The following LHFPL3 variants were observed in gnomAD, a reference collection of about 807,000 sequenced individuals.
The protein encoded by LHFPL3 is LHFPL tetraspan subfamily member 3 protein.
LHFPL3 carries 5 observed loss-of-function variants against 19.3 expected under a neutral mutation model. That is an observed-to-expected ratio of 0.26 (90% CI 0.14 to 0.54). The LOEUF (loss-of-function observed/expected upper bound fraction) is 0.54. LHFPL3 is among the 20% of genes least tolerant of loss of function. LHFPL3 has a pLI of 0.94. For synonymous variants in LHFPL3, 133 were observed against 126.2 expected (o/e 1.05, Z -0.36); for missense variants, 249 against 307.4 (o/e 0.81, Z 1.42).
chr7:104,573,421 A>G (rs11766963), intron 1 of LHFPL3, among the ~76,000 whole-genome samples: 9,988 of 151,902 alleles, frequency 0.066, 516 homozygotes, highest in African/African-American at 0.15. Context: ...AAAAAAAAAA[A>G]AAAGAAAGTA....
intron 1 of LHFPL3, among the ~76,000 whole-genome samples, chr7:104,331,052 G>A (rs1351991079): frequency 2.0e-5 from 3 of 152,182 alleles, no homozygotes; most frequent in Admixed American, 6.5e-5. Flanking sequence ...TGATTTTTAT[G>A]AGGTTTCCTA....
intron 1 of LHFPL3, among the ~76,000 whole-genome samples, chr7:104,703,786 C>A (rs900320383): frequency 6.6e-6 from 1 of 152,054 alleles, no homozygotes; most frequent in Non-Finnish European, 1.5e-5. Flanking sequence ...TAACATACTT[C>A]ATTTTTTTCT....
chr7:104,391,684 A>G (rs1280585331), intron 1 of LHFPL3, among the ~76,000 whole-genome samples: 2 of 152,160 alleles, frequency 1.3e-5, no homozygotes, highest in East Asian at 1.9e-4. Context: ...TTTTGGTTCT[A>G]TATGAACTTT....
At chr7:104,833,064 A>T (rs10435348) in intron 2 of LHFPL3, among the ~76,000 whole-genome samples, 2 of 95,682 alleles carry the variant, frequency 2.1e-5, no homozygotes, top group Non-Finnish European at 3.7e-5. Flanking sequence ...ATTATATATA[A>T]TATATATATT....
chr7:104,466,312 T>C (rs1172187283), intron 1 of LHFPL3, among the ~76,000 whole-genome samples: 1 of 152,252 alleles, frequency 6.6e-6, no homozygotes, highest in Non-Finnish European at 1.5e-5. Flanking sequence ...ACCTCTTATA[T>C]GCTACGGATA....
At chr7:104,668,121 C>T (rs1792395230) in intron 1 of LHFPL3, 3 of 1,613,824 alleles carry the variant, frequency 1.9e-6, no homozygotes, top group Admixed American at 1.7e-5. Context: ...CAGTGCAGTG[C>T]GTTTACCACG....
At chr7:104,539,243 T>C (rs1794442500) in intron 1 of LHFPL3, among the ~76,000 whole-genome samples, 1 of 152,178 alleles carries the variant, frequency 6.6e-6, no homozygotes, top group South Asian at 2.1e-4. Flanking sequence ...ATGAAGTGGG[T>C]ATTCCACGTG....
intron 1 of LHFPL3, among the ~76,000 whole-genome samples, chr7:104,469,752 G>C (rs1792869272): frequency 6.6e-6 from 1 of 152,040 alleles, no homozygotes; most frequent in African/African-American, 2.4e-5. Context: ...AGGAGTCCAG[G>C]AAAAATGGTT....
intron 1 of LHFPL3, among the ~76,000 whole-genome samples, chr7:104,505,485 T>G (rs1289410565): frequency 6.6e-6 from 1 of 152,172 alleles, no homozygotes; most frequent in Admixed American, 6.5e-5. Context: ...TGAAGACTGG[T>G]GAGCTGTCAG....
At chr7:104,361,162 A>G (rs907773748) in intron 1 of LHFPL3, among the ~76,000 whole-genome samples, 2 of 152,206 alleles carry the variant, frequency 1.3e-5, no homozygotes, top group Admixed American at 1.3e-4. Flanking sequence ...ATGGCCCACT[A>G]AGCCTAAAAT....
At chr7:104,777,800 A>AT (rs1318893812) in intron 2 of LHFPL3, among the ~76,000 whole-genome samples, 1 of 151,588 alleles carries the variant, frequency 6.6e-6, no homozygotes, top group Non-Finnish European at 1.5e-5. Flanking sequence ...TCACCTGAAG[A>AT]TAAGAGTTTG....
rs1790558009 is a variant in LHFPL3, at chr7:104,816,165, C to T, written c.682+79254C>T. ...CTGCGCCCTGTGAAAAAAATGCTGT[C>T]GTTGTTGTTGTTTTACAGCAACAGC... On this transcript the variant is annotated intron_variant, in intron 2 of 2. Coordinates refer to ENST00000424859, the MANE Select transcript of LHFPL3 (RefSeq NM_199000.3). Among the ~76,000 whole-genome samples the T allele has an allele frequency of 3.3e-5, 5 of 152,152 alleles. 1 individual carries two copies. The South Asian group carries it at 6.2e-4, about 19-fold the overall frequency.
At chr7:104,745,027 T>A (rs551884221) in intron 2 of LHFPL3, among the ~76,000 whole-genome samples, 1 of 152,324 alleles carries the variant, frequency 6.6e-6, no homozygotes, top group Admixed American at 6.5e-5. Flanking sequence ...ACCCAACAGC[T>A]TACCCGATAC....
chr7:104,436,418 A>G (rs761714499), intron 1 of LHFPL3, among the ~76,000 whole-genome samples: 3 of 152,226 alleles, frequency 2.0e-5, no homozygotes, highest in Non-Finnish European at 2.9e-5. Flanking sequence ...AGAGTTAATC[A>G]TGGCAGAACC....
At chr7:104,507,672 A>G (rs1218223298) in intron 1 of LHFPL3, among the ~76,000 whole-genome samples, 1 of 121,112 alleles carries the variant, frequency 8.3e-6, no homozygotes, top group African/African-American at 3.0e-5. Flanking sequence ...TGAACAGGCA[A>G]CCTACAAAAT....
chr7:104,438,551 T>C (rs1792156148), intron 1 of LHFPL3, among the ~76,000 whole-genome samples: 1 of 152,176 alleles, frequency 6.6e-6, no homozygotes, highest in South Asian at 2.1e-4. Context: ...ATAATGAAAA[T>C]ACAACATATC....
chr7:104,761,806 T>C (rs1413780110), intron 2 of LHFPL3, among the ~76,000 whole-genome samples: 1 of 152,164 alleles, frequency 6.6e-6, no homozygotes, highest in African/African-American at 2.4e-5. Flanking sequence ...AACCCATCCT[T>C]GGGATGAAAA....
chr7:104,903,497 C>T (rs1431087906), intron 2 of LHFPL3, among the ~76,000 whole-genome samples: 2 of 144,098 alleles, frequency 1.4e-5, no homozygotes, highest in African/African-American at 5.2e-5. Context: ...CAGCGTCTTG[C>T]TCTGTCACCC....
Position 104,638,932 on chromosome 7 carries a change from A to ATT in LHFPL3, c.446-97732_446-97731dup, listed in dbSNP as rs374523317. The stretch of plus-strand genomic sequence containing the variant: ...ACTGACACGCCTCACCACACCCAGC[A>ATT]TTTTTTTTTTTTGGTAGAAACAGGG... On this transcript the variant is annotated intron_variant, in intron 1 of 2. Coordinates refer to ENST00000424859, the MANE Select transcript of LHFPL3 (RefSeq NM_199000.3). 4.9e-5 allele frequency among the ~76,000 whole-genome samples: 7 copies of ATT among 142,626 alleles called. No individual in the cohort carries two copies. In the East Asian group the frequency reaches 8.1e-4, roughly 16 times the overall value. 93.6% of individuals were successfully genotyped at this position (142,626 alleles called of 152,430 possible).
Sources: gnomAD v4.1 joint callset for allele counts (sites outside exome capture counted in the v4.1 genomes callset) on GRCh38, gnomAD v4.1.1 for gene constraint, MANE v1.5 for transcripts, NCBI Gene and HGNC (gene_info 2026-07-23, HGNC 2026-07-21) for gene names.